PLPPR5: variants seen among roughly 807,000 people sequenced by gnomAD.
The protein encoded by PLPPR5 is phospholipid phosphatase-related protein type 5.
A neutral mutation model predicts 33.9 loss-of-function variants in PLPPR5; 16 were observed. The ratio of observed to expected loss-of-function variants is 0.47; its 90% CI spans 0.32 to 0.72. The LOEUF (loss-of-function observed/expected upper bound fraction) is 0.72, where lower values mean the gene tolerates loss of function less well. PLPPR5 is among the 30% of genes least tolerant of loss of function. PLPPR5 has a pLI of 0.03. For missense variants in PLPPR5, 301 were observed against 406.7 expected (o/e 0.74, Z 2.23); for synonymous variants, 163 against 150.3 (o/e 1.08, Z -0.62).
At chr1:98,912,699 A>C (rs1462992452) in intron 5 of PLPPR5, among the ~76,000 whole-genome samples, 1 of 152,194 alleles carries the variant, frequency 6.6e-6, no homozygotes, top group Non-Finnish European at 1.5e-5. Flanking sequence ...AAAAGGAAGA[A>C]GGTGAGAAGG....
At position 98,939,315 on chromosome 1, in the gene PLPPR5, TGC is replaced by T. The variant is rs1553168507; in HGVS notation, c.621+13753_621+13754del. 8.7e-4 allele frequency among the ~76,000 whole-genome samples: 131 copies of T among 149,870 alleles called. 1 individual carries two copies. Among genetic ancestry groups the T allele is most frequent in the Admixed American group, 1.3e-3 (20 of 15,044 alleles). On this transcript the variant is annotated intron_variant, in intron 3 of 5. Coordinates refer to ENST00000263177, the MANE Select transcript of PLPPR5 (RefSeq NM_001037317.2). Reference sequence around the variant, plus strand: ...AGAGGAAGGGATGCTAAAAGTGATTTGCTTTTGTGTCAAATATGCTAGGTGCA... The same window carrying T: ...AGAGGAAGGGATGCTAAAAGTGATTTTTTTGTGTCAAATATGCTAGGTGCA...
intron 3 of PLPPR5, among the ~76,000 whole-genome samples, chr1:98,951,003 C>T (rs967926866): frequency 2.0e-5 from 3 of 152,162 alleles, no homozygotes; most frequent in African/African-American, 7.2e-5. Context: ...CACGCCCCAT[C>T]TGAATCTAAT....
At chr1:98,924,377 T>A (rs1649675552) in intron 3 of PLPPR5, among the ~76,000 whole-genome samples, 1 of 152,198 alleles carries the variant, frequency 6.6e-6, no homozygotes, top group Admixed American at 6.5e-5. Flanking sequence ...TATCTCCTAA[T>A]CTTCCTTTCT....
chr1:98,983,579 T>A lies in PLPPR5; in HGVS notation c.237+20856A>T, dbSNP rs543602061. On this transcript the variant is annotated intron_variant, in intron 1 of 5. Coordinates refer to ENST00000263177, the MANE Select transcript of PLPPR5 (RefSeq NM_001037317.2). Reference sequence around the variant, plus strand: ...GCATGTGTCTTTATAGCAGCATGATTTATAGTCCTTTGGGTATATACCCAG... The same window carrying A: ...GCATGTGTCTTTATAGCAGCATGATATATAGTCCTTTGGGTATATACCCAG... 2.0e-5 allele frequency among the ~76,000 whole-genome samples: 3 copies of A among 151,262 alleles called. No individual in the cohort carries two copies. The Admixed American group carries it at 2.0e-4, about 10-fold the overall frequency.
intron 1 of PLPPR5, among the ~76,000 whole-genome samples, chr1:98,997,997 A>G (rs1211108285): frequency 2.0e-5 from 3 of 152,158 alleles, no homozygotes; most frequent in Non-Finnish European, 2.9e-5. Flanking sequence ...GTGAAGGGAG[A>G]AAAAAACACT....
rs190402092 is a variant in PLPPR5 at position 98,989,571 on chromosome 1, G to A, written c.237+14864C>T. Among the ~76,000 whole-genome samples, 168 of 152,188 alleles carry A rather than the reference G, an allele frequency of 1.1e-3. 1 individual carries two copies. Among genetic ancestry groups the A allele is most frequent in the African/African-American group, 3.9e-3 (162 of 41,546 alleles). On this transcript the variant is annotated intron_variant, in intron 1 of 5. Coordinates refer to ENST00000263177, the MANE Select transcript of PLPPR5 (RefSeq NM_001037317.2). The stretch of plus-strand genomic sequence containing the variant: ...CTGTTAAATAAAATGTACAGAACAC[G>A]GGCTTGGACTGAGCTCCTGCACTAG...
rs759560376 is a variant in PLPPR5 at position 98,899,643 on chromosome 1, CTGTT to C, written c.934-6543_934-6540del. Among the ~76,000 whole-genome samples, 5 of 149,910 alleles carry C rather than the reference CTGTT, an allele frequency of 3.3e-5. No individual in the cohort carries two copies. In the East Asian group the frequency reaches 5.9e-4, roughly 18 times the overall value. On this transcript the variant is annotated intron_variant, in intron 5 of 5. Transcript: ENST00000263177. ...TGTTAAGAAGACCTTCAGAAAATAC[CTGTT>C]TATTTCACTTGTTTTTTTTTTTTTT...
intron 3 of PLPPR5, among the ~76,000 whole-genome samples, chr1:98,929,595 T>G (rs1649893385): frequency 6.6e-6 from 1 of 152,208 alleles, no homozygotes; most frequent in Admixed American, 6.5e-5. Context: ...AGTTAAGATC[T>G]GAATATGCTC....
rs1649042624 is a variant in PLPPR5, at chr1:98,909,536, G to C, written c.933+5250C>G. The stretch of plus-strand genomic sequence containing the variant: ...GCTGTTAAATAATAATTATAGTTAT[G>C]ATTATTAAGGGTTTCACTGGTACCA... On this transcript the variant is annotated intron_variant, in intron 5 of 5. Coordinates refer to ENST00000263177, the MANE Select transcript of PLPPR5 (RefSeq NM_001037317.2). Among the ~76,000 whole-genome samples the C allele has an allele frequency of 2.0e-5, 3 of 151,486 alleles. No individual in the cohort carries two copies. In the South Asian group the frequency reaches 6.2e-4, roughly 31 times the overall value.
intron 3 of PLPPR5, among the ~76,000 whole-genome samples, chr1:98,943,782 T>C (rs1650461078): frequency 6.6e-6 from 1 of 152,216 alleles, no homozygotes; most frequent in Non-Finnish European, 1.5e-5. Context: ...TTCCATGTAA[T>C]TCACAAGACT....
chr1:98,958,545 C>A (rs986154170), intron 1 of PLPPR5, among the ~76,000 whole-genome samples: 9 of 152,116 alleles, frequency 5.9e-5, no homozygotes, highest in African/African-American at 2.2e-4. Context: ...CAACTTCCTC[C>A]TGAATTTTAA....
chr1:98,920,724 TTC>T (rs142370784), intron 4 of PLPPR5, among the ~76,000 whole-genome samples: 2,561 of 152,206 alleles, frequency 0.017, 33 homozygotes, highest in Non-Finnish European at 0.026. Flanking sequence ...GCTGGAAAGA[TTC>T]ACTGAAGTGT....
chr1:98,927,572 C>T lies in PLPPR5; in HGVS notation c.622-5514G>A, dbSNP rs139284216. On this transcript the variant is annotated intron_variant, in intron 3 of 5. Coordinates refer to ENST00000263177, the MANE Select transcript of PLPPR5 (RefSeq NM_001037317.2). ...CTGCTGCAAGGTCCCTGGGCTCCCACTGTCTTCTCTGCAGCCTGACTTACC... is the reference window on the plus strand; with the variant it reads ...CTGCTGCAAGGTCCCTGGGCTCCCATTGTCTTCTCTGCAGCCTGACTTACC... 2.0e-3 allele frequency among the ~76,000 whole-genome samples: 300 copies of T among 152,366 alleles called. 1 individual carries two copies. The highest frequency in any genetic ancestry group is 0.011 in the South Asian group (55 of 4,834).
At chr1:98,994,380 A>G (rs1287225096) in intron 1 of PLPPR5, among the ~76,000 whole-genome samples, 1 of 152,070 alleles carries the variant, frequency 6.6e-6, no homozygotes, top group Non-Finnish European at 1.5e-5. Flanking sequence ...GCCAAACACA[A>G]AACAGGTCAT....
Position 98,953,180 on chromosome 1 carries a change from T to A in PLPPR5, c.511A>T (p.Ile171Phe). 1 of 1,614,136 alleles carries A rather than the reference T, an allele frequency of 6.2e-7. No homozygotes were observed. The highest frequency in any genetic ancestry group is 8.5e-7 in the Non-Finnish European group (1 of 1,180,010). ...CCAGTACAGGCCTCTTCCCCACTGA[T>A]GAATTGTGTATACTGCTGACATCCA... is the stretch of plus-strand genomic sequence containing the variant. ...ALGCQQYTQF[I>F]SGEEACTGNP... The change falls in exon 3 of 6, where the codon ATC becomes TTC. Residue 171 changes from isoleucine to phenylalanine, a missense_variant. Ile to Phe is a conservative substitution (Grantham distance 21). Coordinates refer to ENST00000263177, the MANE Select transcript of PLPPR5 (RefSeq NM_001037317.2).
intron 1 of PLPPR5, among the ~76,000 whole-genome samples, chr1:98,974,260 T>G (rs1422631966): frequency 6.6e-6 from 1 of 151,976 alleles, no homozygotes. Flanking sequence ...TCAGCCACAT[T>G]CAGTGTCACA....
intron 1 of PLPPR5, among the ~76,000 whole-genome samples, chr1:98,980,828 A>C (rs2100751939): frequency 6.6e-6 from 1 of 152,216 alleles, no homozygotes; most frequent in African/African-American, 2.4e-5. Flanking sequence ...TAAACTTGCC[A>C]AGTTGAATTT....
chr1:98,953,355 TTGTG>T (rs58092870), intron 2 of PLPPR5, 35 bp from the exon 3 acceptor site: 25,761 of 1,373,180 alleles, frequency 0.019, 58 homozygotes, highest in African/African-American at 0.043. Flanking sequence ...AACTTCTTGC[TTGTG>T]TGTGTGTGTG....
At chr1:98,896,954 T>C (rs1297326588) in intron 5 of PLPPR5, among the ~76,000 whole-genome samples, 1 of 152,148 alleles carries the variant, frequency 6.6e-6, no homozygotes, top group Non-Finnish European at 1.5e-5. Context: ...AGGGGAAAAG[T>C]ATGAGAAAAT....
Sources: allele counts gnomAD v4.1 joint callset (sites outside exome capture counted in the v4.1 genomes callset), GRCh38; gene constraint gnomAD v4.1.1; transcripts MANE v1.5; gene names NCBI Gene and HGNC (gene_info 2026-07-23, HGNC 2026-07-21).